PALS2: variants seen among roughly 807,000 people sequenced by gnomAD.
PALS2 encodes the protein protein associated with LIN7 2, MAGUK p55 family member.
In PALS2, 27 loss-of-function variants were observed where a neutral mutation model predicts 61.6. The observed-to-expected ratio is 0.44, with a 90% CI of 0.32 to 0.60. PALS2 has a LOEUF of 0.60. Ranked by LOEUF, PALS2 falls within the 20% of genes least tolerant of loss-of-function variation. PALS2 has a pLI of 0.05. For synonymous variants in PALS2, 236 were observed against 218.6 expected (o/e 1.08, Z -0.70); for missense variants, 554 against 639.4 (o/e 0.87, Z 1.44).
At chr7:24,628,230 A>G (rs180889641) in intron 2 of PALS2, among the ~76,000 whole-genome samples, 111 of 152,238 alleles carry the variant, frequency 7.3e-4, no homozygotes, top group Non-Finnish European at 1.2e-3. Context: ...AATGCATAAT[A>G]TAATCCATCA....
intron 9 of PALS2, 36 bp from the exon 10 acceptor site, chr7:24,679,095 T>G (rs779455085): frequency 1.9e-6 from 3 of 1,592,188 alleles, no homozygotes; most frequent in Non-Finnish European, 2.6e-6. Context: ...GCCCTAAAAT[T>G]TCTTTGTACA....
chr7:24,628,107 G>T (rs1306279963), intron 2 of PALS2, among the ~76,000 whole-genome samples: 1 of 152,122 alleles, frequency 6.6e-6, no homozygotes, highest in Non-Finnish European at 1.5e-5. Flanking sequence ...ACATCGATGT[G>T]AAAATCCTCA....
intron 1 of PALS2, among the ~76,000 whole-genome samples, chr7:24,597,353 G>A (rs556717218): frequency 7.2e-5 from 11 of 152,286 alleles, no homozygotes; most frequent in Admixed American, 4.6e-4. Flanking sequence ...TGACTGGTTT[G>A]TCAGTTGTCA....
Position 24,649,171 on chromosome 7 carries a change from T to C in PALS2, c.271-441T>C, listed in dbSNP as rs1786007275. Among the ~76,000 whole-genome samples the C allele has an allele frequency of 1.3e-5, 2 of 152,160 alleles. 1 individual carries two copies. ...AGACGTTTTCTACATATAAAAAGTA[T>C]ATCATATTACTAACATAGCAATGTT... On this transcript the variant is annotated intron_variant, in intron 3 of 11. Transcript: ENST00000222644.
intron 1 of PALS2, among the ~76,000 whole-genome samples, chr7:24,595,263 AG>A (rs1048619248): frequency 7.1e-4 from 108 of 151,256 alleles, no homozygotes; most frequent in Non-Finnish European, 1.3e-3. Context: ...GACCAGATTT[AG>A]GAAGTAACAT....
intron 1 of PALS2, among the ~76,000 whole-genome samples, chr7:24,622,789 G>A (rs1366421713): frequency 6.7e-6 from 1 of 149,684 alleles, no homozygotes; most frequent in African/African-American, 2.5e-5. Context: ...AGGAGTAAAA[G>A]CACCATTAAG....
chr7:24,669,308 A>G (rs1787184643), intron 9 of PALS2, among the ~76,000 whole-genome samples: 2 of 152,242 alleles, frequency 1.3e-5, no homozygotes, highest in Admixed American at 6.5e-5. Flanking sequence ...TTAAATAATC[A>G]TGTCAGAAGT....
chr7:24,600,277 G>T (rs960199126), intron 1 of PALS2, among the ~76,000 whole-genome samples: 1 of 152,036 alleles, frequency 6.6e-6, no homozygotes, highest in South Asian at 2.1e-4. Flanking sequence ...TTATTCAGCT[G>T]CATTATAATC....
chr7:24,641,986 A>G, intron 3 of PALS2, 118 bp downstream of exon 3: 1 of 1,112,948 alleles, frequency 9.0e-7, no homozygotes, highest in Non-Finnish European at 1.3e-6. Context: ...ATAGGTAAGT[A>G]TGTAAATTCC....
rs565794442 is a variant in PALS2 at position 24,604,651 on chromosome 7, A to T, written c.-2-19015A>T. 4.6e-5 allele frequency among the ~76,000 whole-genome samples: 7 copies of T among 152,344 alleles called. No homozygotes were observed. The East Asian group carries it at 1.3e-3, about 29-fold the overall frequency. ...AAAACTTAAAAAGAATTTCAGTAAGATGAAATAAGCACACTATACCCTAAC... is the reference window on the plus strand; with the variant it reads ...AAAACTTAAAAAGAATTTCAGTAAGTTGAAATAAGCACACTATACCCTAAC... On this transcript the variant is annotated intron_variant, in intron 1 of 11. Transcript: ENST00000222644.
intron 1 of PALS2, among the ~76,000 whole-genome samples, chr7:24,608,295 T>C (rs1783996447): frequency 6.6e-6 from 1 of 152,176 alleles, no homozygotes; most frequent in African/African-American, 2.4e-5. Context: ...AGGTTTCACT[T>C]AGTGTTTCTA....
In PALS2 at chr7:24,656,052, T is replaced by G. The variant is rs116553256; in HGVS notation, c.651+5340T>G. On this transcript the variant is annotated intron_variant, in intron 5 of 11. Coordinates refer to ENST00000222644, the MANE Select transcript of PALS2 (RefSeq NM_001303037.2). ...TTTTTAGAAAAAGAGCATCCTTCCT[T>G]GATCATCTCAGCTAGTGTCATGGAA... is the stretch of plus-strand genomic sequence containing the variant. 1.8e-3 allele frequency among the ~76,000 whole-genome samples: 269 copies of G among 152,330 alleles called. 1 individual carries two copies. Among genetic ancestry groups the G allele is most frequent in the African/African-American group, 6.3e-3 (260 of 41,578 alleles).
At position 24,679,267 on chromosome 7, in the gene PALS2, C is replaced by G. The variant is rs1339151546; in HGVS notation, c.1251C>G (p.Thr417=). Residue 417 remains threonine (T), a synonymous_variant, in exon 10 of 12, where the codon ACC becomes ACG. Coordinates refer to ENST00000222644, the MANE Select transcript of PALS2 (RefSeq NM_001303037.2). The part of the protein sequence containing the change: ...HGEYEGNLYG[T]KIDSILEVVQ... ...AATATGAAGGAAATCTCTATGGAAC[C>G]AAAATTGATTCTATTCTTGAGGTTG... 6.2e-7 allele frequency: 1 copy of G among 1,614,046 alleles called. No individual in the cohort carries two copies. Among genetic ancestry groups the G allele is most frequent in the South Asian group, 1.1e-5 (1 of 91,068 alleles).
rs1411783320 is a variant in PALS2, at chr7:24,689,932, T to C, written c.*2318T>C. 6.6e-6 allele frequency: 1 copy of C among 152,160 alleles called. No homozygotes were observed. The highest frequency in any genetic ancestry group is 1.5e-5 in the Non-Finnish European group (1 of 68,024). The allele number at this position is 152,160 out of a possible 1,614,324, so 9.4% of individuals were successfully genotyped here. ...GGGATAATTATAGCAGCACAAGAAG[T>C]TTATCTGCAAAATATTTCAATCATC... On this transcript the variant is annotated 3_prime_UTR_variant, in exon 12 of 12. Transcript: ENST00000222644.
chr7:24,663,990 G>T (rs577562936), intron 6 of PALS2, among the ~76,000 whole-genome samples: 2 of 152,264 alleles, frequency 1.3e-5, no homozygotes, highest in South Asian at 4.2e-4. Flanking sequence ...ATGGGTAATT[G>T]CATTAAAATA....
intron 1 of PALS2, among the ~76,000 whole-genome samples, chr7:24,595,525 AATAT>A (rs965372452): frequency 7.5e-6 from 1 of 132,504 alleles, no homozygotes. Context: ...TAATATATAT[AATAT>A]ATAATATATA....
In PALS2 at chr7:24,650,423, C is replaced by T. The variant is rs1042543293; in HGVS notation, c.424-62C>T. ...TTAGAATTATTTTCTTACATATGCT[C>T]ATGAATATTTAAGCATTTCTCCCTA... On this transcript the variant is annotated intron_variant, in intron 4 of 11. Coordinates refer to ENST00000222644, the MANE Select transcript of PALS2 (RefSeq NM_001303037.2). 1.2e-5 allele frequency: 15 copies of T among 1,291,292 alleles called. No homozygotes were observed. In the African/African-American group the frequency reaches 1.8e-4, roughly 16 times the overall value. 80.0% of individuals were successfully genotyped at this position (1,291,292 alleles called of 1,614,324 possible). A position where few individuals can be genotyped will look rare whatever the true frequency, so the allele number is the denominator to read the frequency against.
intron 5 of PALS2, among the ~76,000 whole-genome samples, chr7:24,655,349 G>C (rs1264883183): frequency 1.3e-5 from 2 of 152,114 alleles, no homozygotes. Flanking sequence ...AGTACGTATA[G>C]ATGCAGTAGA....
intron 5 of PALS2, 36 bp from the exon 6 acceptor site, chr7:24,663,554 C>G (rs1468767216): frequency 6.6e-7 from 1 of 1,525,254 alleles, no homozygotes; most frequent in Middle Eastern, 2.0e-4. Flanking sequence ...GCAAGTGATA[C>G]AACTATAGTA....
Sources: allele counts gnomAD v4.1 joint callset (sites outside exome capture counted in the v4.1 genomes callset), GRCh38; gene constraint gnomAD v4.1.1; transcripts MANE v1.5; gene names NCBI Gene and HGNC (gene_info 2026-07-23, HGNC 2026-07-21).